ATP8A2: variants seen among roughly 807,000 people sequenced by gnomAD.
ATP8A2 encodes the protein ATPase phospholipid transporting 8A2.
Under a neutral mutation model 165.6 loss-of-function variants are expected in ATP8A2, and 100 were observed. The ratio of observed to expected loss-of-function variants is 0.60; its 90% CI spans 0.51 to 0.71. ATP8A2 has a LOEUF of 0.71. Among genes scored for constraint, ATP8A2 ranks in the 30% least tolerant of loss-of-function variants. The pLI is 0.00. For synonymous variants in ATP8A2, 543 were observed against 548.8 expected, an observed-to-expected ratio of 0.99 and a Z score of 0.15; for missense variants, 1,227 against 1,479.5, an observed-to-expected ratio of 0.83 and a Z score of 2.80.
chr13:25,846,449 G>C (rs1951866238), intron 30 of ATP8A2, among the ~76,000 whole-genome samples: 2 of 152,206 alleles, frequency 1.3e-5, no homozygotes, highest in Non-Finnish European at 2.9e-5. Context: ...TGAGGTAGGA[G>C]AAGAGGAGAG....
intron 23 of ATP8A2, among the ~76,000 whole-genome samples, chr13:25,587,820 A>G (rs183412582): frequency 3.5e-4 from 54 of 152,312 alleles, no homozygotes; most frequent in Middle Eastern, 3.4e-3. Context: ...AATGGGAAAC[A>G]AAGAGTTTGA....
intron 24 of ATP8A2, among the ~76,000 whole-genome samples, chr13:25,634,268 A>C (rs919931187): frequency 6.6e-6 from 1 of 152,182 alleles, no homozygotes; most frequent in African/African-American, 2.4e-5. Flanking sequence ...CCGAAGCTAC[A>C]ATTGGGAATT....
At chr13:25,397,274 C>T (rs547068571) in intron 1 of ATP8A2, among the ~76,000 whole-genome samples, 6 of 152,282 alleles carry the variant, frequency 3.9e-5, no homozygotes, top group African/African-American at 1.4e-4. Flanking sequence ...GGCTTGTCTC[C>T]TTCTTATAGG....
chr13:25,991,126 A>T (rs12868119), intron 35 of ATP8A2, among the ~76,000 whole-genome samples: 1 of 152,182 alleles, frequency 6.6e-6, no homozygotes, highest in African/African-American at 2.4e-5. Context: ...CAGGAGATAC[A>T]GGAGGAAGTC....
intron 1 of ATP8A2, among the ~76,000 whole-genome samples, chr13:25,457,367 T>C (rs1396695230): frequency 6.6e-6 from 1 of 152,238 alleles, no homozygotes; most frequent in South Asian, 2.1e-4. Context: ...AAAGGTCAGA[T>C]AGATGATTTA....
chr13:25,861,403 T>A (rs1161297395), intron 32 of ATP8A2, among the ~76,000 whole-genome samples: 2 of 152,250 alleles, frequency 1.3e-5, no homozygotes, highest in East Asian at 3.8e-4. Context: ...TATTACGTTT[T>A]ACAGATGTCC....
chr13:25,655,901 A>G (rs1593145955), intron 24 of ATP8A2, among the ~76,000 whole-genome samples: 1 of 152,304 alleles, frequency 6.6e-6, no homozygotes, highest in South Asian at 2.1e-4. Context: ...AATGAATTGG[A>G]GTTCAGGTCA....
intron 25 of ATP8A2, among the ~76,000 whole-genome samples, chr13:25,729,407 T>C (rs9511898): frequency 0.41 from 62,116 of 152,032 alleles, 13,128 homozygotes; most frequent in Middle Eastern, 0.47. Flanking sequence ...GTGGCACATA[T>C]TTTCGTATGT....
At chr13:25,742,566 T>A (rs1206873014) in intron 25 of ATP8A2, among the ~76,000 whole-genome samples, 1 of 152,108 alleles carries the variant, frequency 6.6e-6, no homozygotes, top group Non-Finnish European at 1.5e-5. Context: ...ATTGTTTATA[T>A]TTAATTTTCA....
chr13:25,570,321 G>C (rs1307445674), intron 16 of ATP8A2, among the ~76,000 whole-genome samples: 1 of 152,214 alleles, frequency 6.6e-6, no homozygotes, highest in African/African-American at 2.4e-5. Flanking sequence ...TCTTGCGAGA[G>C]TGAGGCAGCA....
rs191042287 is a variant in ATP8A2 at position 25,434,106 on chromosome 13, G to A, written c.77-34871G>A. Among the ~76,000 whole-genome samples the A allele has an allele frequency of 5.0e-3, 746 of 147,864 alleles. 5 individuals are homozygous for A. Among genetic ancestry groups the A allele is most frequent in the African/African-American group, 0.019 (718 of 37,406 alleles). On this transcript the variant is annotated intron_variant, in intron 1 of 36. Transcript: ENST00000381655. ...GTAACAGACAAGCACATGTACCCCC[G>A]AATGTAAAAAAGAAGAAATCTCGCG...
chr13:25,640,805 A>C (rs2041499532), intron 24 of ATP8A2, among the ~76,000 whole-genome samples: 1 of 152,216 alleles, frequency 6.6e-6, no homozygotes, highest in South Asian at 2.1e-4. Flanking sequence ...CAACAAAAAA[A>C]GAGAATTTTA....
At chr13:25,592,475 A>C (rs1022779605) in intron 24 of ATP8A2, among the ~76,000 whole-genome samples, 1 of 152,360 alleles carries the variant, frequency 6.6e-6, no homozygotes, top group East Asian at 1.9e-4. Flanking sequence ...GTACAAGTTG[A>C]TGTTACTAAG....
chr13:25,915,818 A>G (rs1361959260), intron 33 of ATP8A2, among the ~76,000 whole-genome samples: 1 of 152,250 alleles, frequency 6.6e-6, no homozygotes, highest in Non-Finnish European at 1.5e-5. Flanking sequence ...CCTAGCACCA[A>G]GTAAGGTTTA....
chr13:25,901,538 A>T (rs2138951306), intron 33 of ATP8A2, among the ~76,000 whole-genome samples: 1 of 151,922 alleles, frequency 6.6e-6, no homozygotes, highest in South Asian at 2.1e-4. Flanking sequence ...TTTAAGAAGA[A>T]ATCAAATCAA....
At chr13:25,819,905 T>C (rs1401498662) in intron 27 of ATP8A2, among the ~76,000 whole-genome samples, 1 of 152,222 alleles carries the variant, frequency 6.6e-6, no homozygotes, top group Non-Finnish European at 1.5e-5. Flanking sequence ...AGACCTGATA[T>C]GCAAATTAGT....
At chr13:25,981,919 G>A (rs1021717466) in intron 35 of ATP8A2, among the ~76,000 whole-genome samples, 2 of 152,090 alleles carry the variant, frequency 1.3e-5, no homozygotes, top group Non-Finnish European at 2.9e-5. Context: ...GATTTTAAAG[G>A]TATAATTTAA....
At chr13:25,766,729 C>G (rs1285545591) in intron 25 of ATP8A2, among the ~76,000 whole-genome samples, 1 of 152,204 alleles carries the variant, frequency 6.6e-6, no homozygotes, top group Non-Finnish European at 1.5e-5. Context: ...AAAATTTCTG[C>G]TGCAGCATCC....
chr13:25,974,140 G>C (rs1394829522), intron 35 of ATP8A2, among the ~76,000 whole-genome samples: 2 of 152,334 alleles, frequency 1.3e-5, no homozygotes, highest in African/African-American at 2.4e-5. Flanking sequence ...TAGCTTAGCT[G>C]TGTGGCCTTG....
Sources: allele counts gnomAD v4.1 joint callset (sites outside exome capture counted in the v4.1 genomes callset), GRCh38; gene constraint gnomAD v4.1.1; transcripts MANE v1.5; gene names NCBI Gene and HGNC (gene_info 2026-07-23, HGNC 2026-07-21).